The following KCNIP4 variants were observed in gnomAD, a reference collection of about 807,000 sequenced individuals.
KCNIP4 encodes the protein potassium voltage-gated channel interacting protein 4, also known as Kv channel-interacting protein 4.
A neutral mutation model predicts 34.0 loss-of-function variants in KCNIP4; 12 were observed. The observed-to-expected ratio is 0.35, with a 90% CI of 0.23 to 0.57. The LOEUF is 0.57. Among genes scored for constraint, KCNIP4 ranks in the 20% least tolerant of loss-of-function variants. KCNIP4 has a pLI of 0.83. For synonymous variants in KCNIP4, 124 were observed against 102.2 expected (o/e 1.21, Z -1.29); for missense variants, 238 against 311.7 (o/e 0.76, Z 1.78).
rs573971241 is a variant in KCNIP4, at chr4:21,044,494, T to G, written c.62-161785A>C. 2.0e-3 allele frequency among the ~76,000 whole-genome samples: 300 copies of G among 151,956 alleles called. 11 individuals carry two copies. The highest frequency in any genetic ancestry group is 3.2e-3 in the Middle Eastern group (1 of 316). The stretch of plus-strand genomic sequence containing the variant: ...GCCCGGCTAATTTTTGTATTTTTAG[T>G]AGAGACAGGGTTTCACCATGTTGGC... On this transcript the variant is annotated intron_variant, in intron 1 of 8. Transcript: ENST00000382152.
At chr4:21,541,684 C>T (rs1036379363) in intron 1 of KCNIP4, among the ~76,000 whole-genome samples, 13 of 152,010 alleles carry the variant, frequency 8.6e-5, no homozygotes, top group African/African-American at 3.1e-4. Context: ...ACTCTGTCAC[C>T]CACACTGGAG....
At chr4:21,135,227 G>T (rs1751411696) in intron 1 of KCNIP4, among the ~76,000 whole-genome samples, 1 of 152,206 alleles carries the variant, frequency 6.6e-6, no homozygotes. Context: ...CTTCAATTAA[G>T]ATGAGCAGAG....
At chr4:21,833,910 G>A (rs1043854243) in intron 1 of KCNIP4, among the ~76,000 whole-genome samples, 47 of 151,912 alleles carry the variant, frequency 3.1e-4, no homozygotes, top group African/African-American at 5.3e-4. Context: ...GTAGATATGC[G>A]GCATTATTTC....
At chr4:21,279,211 T>A (rs924437495) in intron 1 of KCNIP4, among the ~76,000 whole-genome samples, 1 of 152,110 alleles carries the variant, frequency 6.6e-6, no homozygotes, top group African/African-American at 2.4e-5. Flanking sequence ...GAACAAACAG[T>A]CAAAAGTTTC....
chr4:21,627,676 T>C (rs1311931876), intron 1 of KCNIP4, among the ~76,000 whole-genome samples: 1 of 152,180 alleles, frequency 6.6e-6, no homozygotes, highest in East Asian at 1.9e-4. Context: ...AAACATAATA[T>C]AAAAAGAATT....
At chr4:21,871,992 A>T (rs1327583643) in intron 1 of KCNIP4, among the ~76,000 whole-genome samples, 1 of 152,022 alleles carries the variant, frequency 6.6e-6, no homozygotes, top group East Asian at 1.9e-4. Flanking sequence ...TACCGTTTTA[A>T]CAAGTGTCTG....
intron 1 of KCNIP4, chr4:21,847,866 T>C (rs1183360533): frequency 6.6e-6 from 1 of 152,110 alleles, no homozygotes; most frequent in Non-Finnish European, 1.5e-5. Context: ...TGTCTCTCTT[T>C]GCTCAGTTTT....
At chr4:21,197,717 T>C (rs1471045488) in intron 1 of KCNIP4, among the ~76,000 whole-genome samples, 1 of 152,196 alleles carries the variant, frequency 6.6e-6, no homozygotes, top group Non-Finnish European at 1.5e-5. Context: ...TAATTAATGC[T>C]TGATTCTGTG....
At chr4:21,320,792 G>A (rs760166833) in intron 1 of KCNIP4, among the ~76,000 whole-genome samples, 5 of 151,888 alleles carry the variant, frequency 3.3e-5, no homozygotes, top group East Asian at 3.9e-4. Context: ...CCAACATGGC[G>A]AAGCCCCATC....
At chr4:20,752,452 CTAT>C (rs1184327003) in intron 4 of KCNIP4, 1 of 152,140 alleles carries the variant, frequency 6.6e-6, no homozygotes, top group Non-Finnish European at 1.5e-5. Context: ...TAAATATTAG[CTAT>C]TATTATTTCC....
intron 1 of KCNIP4, among the ~76,000 whole-genome samples, chr4:21,842,686 T>C (rs1189018074): frequency 6.6e-6 from 1 of 152,148 alleles, no homozygotes; most frequent in African/African-American, 2.4e-5. Flanking sequence ...TTTCACCTAA[T>C]ACAGATTTTT....
intron 1 of KCNIP4, among the ~76,000 whole-genome samples, chr4:21,667,728 C>A (rs1041447858): frequency 3.3e-5 from 5 of 152,128 alleles, no homozygotes. Context: ...TGAAGAATTG[C>A]GAATAATGCT....
At chr4:21,346,790 G>T (rs917795055) in intron 1 of KCNIP4, among the ~76,000 whole-genome samples, 1 of 151,968 alleles carries the variant, frequency 6.6e-6, no homozygotes, top group African/African-American at 2.4e-5. Context: ...CAGACCACAC[G>T]TACAACAGCA....
chr4:20,955,982 C>T (rs1457734810), intron 1 of KCNIP4, among the ~76,000 whole-genome samples: 1 of 152,202 alleles, frequency 6.6e-6, no homozygotes, highest in Non-Finnish European at 1.5e-5. Context: ...AGTTATGTGA[C>T]CAGCCCTTGT....
rs76409367 is a variant in KCNIP4, at chr4:20,859,387, C to T, written c.164-8720G>A. Among the ~76,000 whole-genome samples, 502 of 152,262 alleles carry T rather than the reference C, an allele frequency of 3.3e-3. 5 individuals are homozygous for T. Among genetic ancestry groups the T allele is most frequent in the African/African-American group, 0.012 (482 of 41,556 alleles). On this transcript the variant is annotated intron_variant, in intron 2 of 8. Transcript: ENST00000382152. Reference sequence around the variant, plus strand: ...TCTTGCAGAAGAGCCAATTCAAATGCGCATTTGCATCCTGAGATAAGCGAA... The same window carrying T: ...TCTTGCAGAAGAGCCAATTCAAATGTGCATTTGCATCCTGAGATAAGCGAA...
chr4:21,029,666 C>T (rs1577563146), intron 1 of KCNIP4, among the ~76,000 whole-genome samples: 1 of 152,156 alleles, frequency 6.6e-6, no homozygotes, highest in Non-Finnish European at 1.5e-5. Context: ...CCATCTGGGC[C>T]TCTGTTGTTG....
At chr4:21,293,864 T>C (rs1763685406) in intron 1 of KCNIP4, among the ~76,000 whole-genome samples, 4 of 152,170 alleles carry the variant, frequency 2.6e-5, no homozygotes, top group Admixed American at 2.6e-4. Context: ...AGCTTAATCT[T>C]CATTTACTTC....
At chr4:21,306,891 C>T (rs537969946) in intron 1 of KCNIP4, among the ~76,000 whole-genome samples, 1 of 151,750 alleles carries the variant, frequency 6.6e-6, no homozygotes, top group Non-Finnish European at 1.5e-5. Context: ...TGAGCGATCT[C>T]GGCTCACCGC....
chr4:21,092,632 A>AGCG (rs139883131), intron 1 of KCNIP4, among the ~76,000 whole-genome samples: 25,555 of 152,086 alleles, frequency 0.17, 2,223 homozygotes, highest in East Asian at 0.24. Flanking sequence ...ATGCTCCTTC[A>AGCG]TAAGGGTAGA....
Sources: allele counts gnomAD v4.1 joint callset (sites outside exome capture counted in the v4.1 genomes callset), GRCh38; gene constraint gnomAD v4.1.1; transcripts MANE v1.5; gene names NCBI Gene and HGNC (gene_info 2026-07-23, HGNC 2026-07-21).